Variants in WDR44 observed in about 807,000 individuals in gnomAD.
The protein encoded by WDR44 is WD repeat-containing protein 44.
In WDR44, 9 loss-of-function variants were observed where a neutral mutation model predicts 65.7. The ratio of observed to expected loss-of-function variants is 0.14; its 90% CI spans 0.08 to 0.24. WDR44 has a LOEUF of 0.24. Among genes scored for constraint, WDR44 ranks in the 10% least tolerant of loss-of-function variants. The probability of loss-of-function intolerance (pLI) is 1.00; values close to 1 mark genes in which losing one functional copy is unlikely to be tolerated. For synonymous variants in WDR44, 220 were observed against 235.2 expected (o/e 0.94, Z 0.59); for missense variants, 425 against 670.9 (o/e 0.63, Z 4.05).
At chrX:118,442,748 G>A in intron 17 of WDR44, 68 bp downstream of exon 17, 4 of 876,844 alleles carry the variant, frequency 4.6e-6, no homozygotes, top group Non-Finnish European at 5.0e-6. Context: ...TTTTTCCATT[G>A]GTCTATGCCT....
intron 10 of WDR44, among the ~76,000 whole-genome samples, chrX:118,407,502 CAAAA>C (rs11423108): frequency 1.8e-5 from 1 of 56,962 alleles, no homozygotes. Context: ...AACTCCGTCT[CAAAA>C]AAAAAAAAAA....
At chrX:118,378,292 A>G (rs2147686374) in intron 1 of WDR44, 127 bp from the exon 2 acceptor site, 7 of 569,257 alleles carry the variant, frequency 1.2e-5, no homozygotes, top group Non-Finnish European at 1.7e-5. Context: ...CTACGTGCAC[A>G]CAAGACTTTT....
At chrX:118,381,494 A>G (rs1232831537) in intron 2 of WDR44, among the ~76,000 whole-genome samples, 1 of 108,303 alleles carries the variant, frequency 9.2e-6, no homozygotes, top group East Asian at 2.9e-4. Flanking sequence ...TTAGAAAAGA[A>G]CTCTGATCTT....
Position 118,428,554 on chromosome X carries a change from TA to T in WDR44, c.1738-4224del, listed in dbSNP as rs1353188038. On this transcript the variant is annotated intron_variant, in intron 12 of 19. Transcript: ENST00000254029. ...TTTGATTCTTTATACTCTGTTTTTCTAAAGTTTTCTTTTATGCTTACCTACT... is the reference window on the plus strand; with the variant it reads ...TTTGATTCTTTATACTCTGTTTTTCTAAGTTTTCTTTTATGCTTACCTACT... 2.7e-5 allele frequency among the ~76,000 whole-genome samples: 3 copies of T among 112,192 alleles called. No homozygotes were observed. In the East Asian group the frequency reaches 8.3e-4, roughly 31 times the overall value.
intron 1 of WDR44, among the ~76,000 whole-genome samples, chrX:118,352,352 A>ATATATATATTTTTTTTTTTTT (rs1357425730): frequency 7.0e-5 from 1 of 14,224 alleles, no homozygotes; most frequent in Non-Finnish European, 1.0e-4. Flanking sequence ...ATATATATAT[A>ATATATATATTTTTTTTTTTTT]TTTTTTTTTT....
At position 118,436,610 on chromosome X, in the gene WDR44, T is replaced by C. The variant is rs1336457869; in HGVS notation, c.1852-92T>C. On this transcript the variant is annotated intron_variant, in intron 13 of 19. Coordinates refer to ENST00000254029, the MANE Select transcript of WDR44 (RefSeq NM_019045.5). ...GCTGCATTTAACAATAACAAAACTG[T>C]TGAGATACAAAAACCAAAAGTTCAC... The C allele has an allele frequency of 3.1e-6, 3 of 966,068 alleles. No homozygotes were observed. The African/African-American group carries it at 5.8e-5, about 19-fold the overall frequency. The allele number at this position is 966,068 out of a possible 1,213,427, so 79.6% of individuals were successfully genotyped here. A position where few individuals can be genotyped will look rare whatever the true frequency, so the allele number is the denominator to read the frequency against.
intron 3 of WDR44, among the ~76,000 whole-genome samples, chrX:118,391,947 C>T (rs371074670): frequency 2.7e-5 from 3 of 111,588 alleles, no homozygotes; most frequent in East Asian, 5.6e-4. Flanking sequence ...CCACTGCACT[C>T]CAGCCTGGGT....
At chrX:118,362,797 T>A (rs990675780) in intron 1 of WDR44, among the ~76,000 whole-genome samples, 1 of 107,843 alleles carries the variant, frequency 9.3e-6, no homozygotes, top group Non-Finnish European at 1.9e-5. Flanking sequence ...GTAGAGTTGC[T>A]GGATAAAGTA....
chrX:118,422,915 C>T (rs965334424), intron 12 of WDR44, among the ~76,000 whole-genome samples: 2 of 111,203 alleles, frequency 1.8e-5, no homozygotes, highest in African/African-American at 6.5e-5. Flanking sequence ...GTATTAGAAC[C>T]CTGCTCTGTC....
intron 2 of WDR44, among the ~76,000 whole-genome samples, chrX:118,383,878 C>CTTTTTTTTTTTTTT (rs549809406): frequency 1.0e-4 from 7 of 69,832 alleles, no homozygotes; most frequent in Non-Finnish European, 1.3e-4. Context: ...TTTTTAATTT[C>CTTTTTTTTTTTTTT]TTTTTTTTTT....
chrX:118,414,257 CTT>C (rs565805780), intron 12 of WDR44, among the ~76,000 whole-genome samples: 36 of 46,679 alleles, frequency 7.7e-4, no homozygotes, highest in East Asian at 1.9e-3. Context: ...CTTGCGATTG[CTT>C]TTTTTTTTTT....
intron 12 of WDR44, among the ~76,000 whole-genome samples, chrX:118,415,477 CT>C (rs1176738919): frequency 4.5e-5 from 5 of 111,593 alleles, no homozygotes; most frequent in African/African-American, 6.5e-5. Flanking sequence ...CTTTGAATGT[CT>C]GGTAGAATTC....
intron 3 of WDR44, among the ~76,000 whole-genome samples, chrX:118,391,833 A>T (rs1297721216): frequency 3.6e-5 from 4 of 110,833 alleles, no homozygotes; most frequent in African/African-American, 1.3e-4. Flanking sequence ...AAAATACAAA[A>T]ATTATCCCGG....
At chrX:118,375,322 C>T (rs1602885594) in intron 1 of WDR44, among the ~76,000 whole-genome samples, 1 of 109,902 alleles carries the variant, frequency 9.1e-6, no homozygotes, top group African/African-American at 3.3e-5. Flanking sequence ...CCCTTCTTAC[C>T]TTTATGCCTT....
In WDR44 at chrX:118,389,718, CAAAAAAAAAAAA is replaced by C. The variant is rs1248530849; in HGVS notation, c.186+2313_186+2324del. On this transcript the variant is annotated intron_variant, in intron 3 of 19. Coordinates refer to ENST00000254029, the MANE Select transcript of WDR44 (RefSeq NM_019045.5). Reference sequence around the variant, plus strand: ...CTGGTGACAGAGCTAGACTCCCTCTCAAAAAAAAAAAAAAAAAAAAGGATTTGGCCAGGCTAA... The same window carrying C: ...CTGGTGACAGAGCTAGACTCCCTCTCAAAAAAAAGGATTTGGCCAGGCTAA... Among the ~76,000 whole-genome samples the C allele has an allele frequency of 5.5e-4, 19 of 34,524 alleles. No individual in the cohort carries two copies. The Admixed American group carries it at 7.1e-3, about 13-fold the overall frequency. The allele number at this position is 34,524 out of a possible 115,157, so 30.0% of individuals were successfully genotyped here. A position where few individuals can be genotyped will look rare whatever the true frequency, so the allele number is the denominator to read the frequency against.
chrX:118,443,192 C>G (rs1046443964), intron 17 of WDR44, among the ~76,000 whole-genome samples: 1 of 111,879 alleles, frequency 8.9e-6, no homozygotes, highest in African/African-American at 3.2e-5. Flanking sequence ...GGTTAGCTAC[C>G]TTTTCTTCTT....
At chrX:118,406,480 CATT>C (rs1371601061) in intron 9 of WDR44, among the ~76,000 whole-genome samples, 17 of 111,708 alleles carry the variant, frequency 1.5e-4, no homozygotes, top group African/African-American at 5.2e-4. Context: ...ATGCTTTTGT[CATT>C]ATTGTACTCA....
At chrX:118,400,167 GAC>G (rs2056899465) in intron 8 of WDR44, among the ~76,000 whole-genome samples, 1 of 109,976 alleles carries the variant, frequency 9.1e-6, no homozygotes, top group African/African-American at 3.3e-5. Flanking sequence ...TTATGCCATT[GAC>G]ACACAGAGAA....
At position 118,410,929 on chromosome X, in the gene WDR44, A is replaced by G; in HGVS notation, c.1707A>G (p.Leu569=). The G allele has an allele frequency of 1.7e-6, 2 of 1,201,268 alleles. No homozygotes were observed. The highest frequency in any genetic ancestry group is 1.1e-6 in the Non-Finnish European group (1 of 891,701). The part of the protein sequence containing the change: ...RVSPSPSQES[L]SSSKSDTDTG... ...CCCCATCACCCTCTCAGGAAAGTCTAAGTTCATCAAAATCGGATACAGATA... is the reference window on the plus strand; with the variant it reads ...CCCCATCACCCTCTCAGGAAAGTCTGAGTTCATCAAAATCGGATACAGATA... Residue 569 remains leucine (L), a synonymous_variant, in exon 12 of 20, where the codon CTA becomes CTG. Coordinates refer to ENST00000254029, the MANE Select transcript of WDR44 (RefSeq NM_019045.5).
Sources: gnomAD v4.1 joint callset for allele counts (sites outside exome capture counted in the v4.1 genomes callset) on GRCh38, gnomAD v4.1.1 for gene constraint, MANE v1.5 for transcripts, NCBI Gene and HGNC (gene_info 2026-07-23, HGNC 2026-07-21) for gene names.